The following ADAMTS6 variants were observed in gnomAD, a reference collection of about 807,000 sequenced individuals.
The protein encoded by ADAMTS6 is A disintegrin and metalloproteinase with thrombospondin motifs 6.
Under a neutral mutation model 144.3 loss-of-function variants are expected in ADAMTS6, and 23 were observed. That is an observed-to-expected ratio of 0.16 (90% CI 0.11 to 0.23). ADAMTS6 has a LOEUF of 0.23. ADAMTS6 is among the 10% of genes least tolerant of loss of function. ADAMTS6 has a pLI of 1.00. For missense variants in ADAMTS6, 999 were observed against 1,379.6 expected (o/e 0.72, Z 4.37); for synonymous variants, 444 against 457.5 (o/e 0.97, Z 0.38).
intron 19 of ADAMTS6, among the ~76,000 whole-genome samples, 160 bp from the exon 20 acceptor site, chr5:65,215,092 G>A (rs1160749567): frequency 6.6e-6 from 1 of 152,108 alleles, no homozygotes; most frequent in South Asian, 2.1e-4. Context: ...CCATTTTCAT[G>A]GGTATTTTGG....
chr5:65,355,020 T>C (rs1050957330), intron 7 of ADAMTS6, among the ~76,000 whole-genome samples: 1 of 151,784 alleles, frequency 6.6e-6, no homozygotes, highest in Non-Finnish European at 1.5e-5. Flanking sequence ...TCCAAAAACA[T>C]TGGTATTCTT....
intron 14 of ADAMTS6, 94 bp downstream of exon 14, chr5:65,260,506 G>A: frequency 1.0e-6 from 1 of 953,770 alleles, no homozygotes; most frequent in South Asian, 1.5e-5. Flanking sequence ...TCACACACAT[G>A]TATTTCTTAT....
At chr5:65,288,210 C>G (rs1741889599) in intron 11 of ADAMTS6, among the ~76,000 whole-genome samples, 2 of 152,072 alleles carry the variant, frequency 1.3e-5, no homozygotes, top group Admixed American at 6.5e-5. Flanking sequence ...GGTAACCCAG[C>G]AATGACTACT....
rs928541339 is a variant in ADAMTS6, at chr5:65,473,968, T to A, written c.-279-16A>T. On this transcript the variant is annotated splice_polypyrimidine_tract_variant and intron_variant, in intron 1 of 24. Transcript: ENST00000381055. The stretch of plus-strand genomic sequence containing the variant: ...ATTTTTTAACCTAGAAAAAAAAAAA[T>A]TTAAGTTAACTGAAAAATATCCAGA... The A allele has an allele frequency of 1.1e-4, 47 of 429,940 alleles. No homozygotes were observed. Among genetic ancestry groups the A allele is most frequent in the East Asian group, 1.7e-4 (5 of 29,944 alleles). The allele number at this position is 429,940 out of a possible 1,614,324, so 26.6% of individuals were successfully genotyped here. A position where few individuals can be genotyped will look rare whatever the true frequency, so the allele number is the denominator to read the frequency against.
rs932897319 is a variant in ADAMTS6, at chr5:65,169,255, C to T, written c.3244+1362G>A. Reference sequence around the variant, plus strand: ...TGAACAGACACTTCTCAAAAGAAGACATTTATGCAGCCACAAAACACATGA... The same window carrying T: ...TGAACAGACACTTCTCAAAAGAAGATATTTATGCAGCCACAAAACACATGA... On this transcript the variant is annotated intron_variant, in intron 24 of 24. Coordinates refer to ENST00000381055, the MANE Select transcript of ADAMTS6 (RefSeq NM_197941.4). 1.8e-4 allele frequency among the ~76,000 whole-genome samples: 11 copies of T among 62,250 alleles called. 3 individuals are homozygous for T. Among genetic ancestry groups the T allele is most frequent in the African/African-American group, 1.0e-3 (11 of 10,650 alleles). 40.8% of individuals were successfully genotyped at this position (62,250 alleles called of 152,430 possible). A position where few individuals can be genotyped will look rare whatever the true frequency, so the allele number is the denominator to read the frequency against.
chr5:65,451,477 A>G lies in ADAMTS6; in HGVS notation c.1071T>C (p.Thr357=), dbSNP rs1232797256. The change falls in exon 7 of 25, where the codon ACT becomes ACC. Residue 357 remains threonine (T), a splice_region_variant and synonymous_variant. Transcript: ENST00000381055. ...IAHHDNAVLI[T]RYDICTYKNK... ...AAAATACTTGCAACAAACCATACCT[A>G]GTAATAAGAACTGCATTATCGTGGT... 2 of 1,613,094 alleles carry G rather than the reference A, an allele frequency of 1.2e-6. No homozygotes were observed. Among genetic ancestry groups the G allele is most frequent in the Non-Finnish European group, 8.5e-7 (1 of 1,179,676 alleles).
At chr5:65,414,825 C>T (rs185559238) in intron 7 of ADAMTS6, among the ~76,000 whole-genome samples, 4 of 152,126 alleles carry the variant, frequency 2.6e-5, no homozygotes, top group Non-Finnish European at 4.4e-5. Context: ...CATATGCAAA[C>T]GTTAATTCAA....
Position 65,177,665 on chromosome 5 carries a change from C to T in ADAMTS6, c.2911-4657G>A, listed in dbSNP as rs181859162. On this transcript the variant is annotated intron_variant, in intron 22 of 24. Coordinates refer to ENST00000381055, the MANE Select transcript of ADAMTS6 (RefSeq NM_197941.4). ...CCTAAAATCGTACATTCATTTTACT[C>T]GAGGATCATAAAAGTTAAAGACTTA... is the stretch of plus-strand genomic sequence containing the variant. Among the ~76,000 whole-genome samples, 29 of 152,294 alleles carry T rather than the reference C, an allele frequency of 1.9e-4. No homozygotes were observed. The East Asian group carries it at 5.4e-3, about 28-fold the overall frequency.
chr5:65,250,588 A>G (rs868602892), intron 14 of ADAMTS6, among the ~76,000 whole-genome samples: 2 of 152,230 alleles, frequency 1.3e-5, no homozygotes, highest in Non-Finnish European at 1.5e-5. Flanking sequence ...TTTCCTCCAT[A>G]TATTTTTATA....
chr5:65,329,615 T>C, intron 8 of ADAMTS6, 132 bp from the exon 9 acceptor site: 1 of 677,852 alleles, frequency 1.5e-6, no homozygotes, highest in Non-Finnish European at 2.3e-6. Context: ...AAGGTTAACT[T>C]TCTAGTCATT....
chr5:65,200,049 A>G (rs1242930154), intron 20 of ADAMTS6, among the ~76,000 whole-genome samples: 1 of 152,140 alleles, frequency 6.6e-6, no homozygotes, highest in African/African-American at 2.4e-5. Flanking sequence ...ATTTTCTTCT[A>G]GAATGTTATA....
intron 4 of ADAMTS6, 64 bp downstream of exon 4, chr5:65,460,106 C>A: frequency 6.5e-7 from 1 of 1,545,424 alleles, no homozygotes; most frequent in South Asian, 1.3e-5. Context: ...ACTATACTTG[C>A]CAGAAGAAAG....
At chr5:65,337,192 A>G (rs1224605860) in intron 7 of ADAMTS6, among the ~76,000 whole-genome samples, 1 of 152,160 alleles carries the variant, frequency 6.6e-6, no homozygotes, top group Admixed American at 6.5e-5. Flanking sequence ...TATAGAATTG[A>G]TGAATATGAA....
At chr5:65,267,737 G>A (rs1761733796) in intron 12 of ADAMTS6, among the ~76,000 whole-genome samples, 1 of 152,088 alleles carries the variant, frequency 6.6e-6, no homozygotes. Context: ...TGTGATTATG[G>A]TATACCTTTT....
At chr5:65,421,001 T>C (rs568290543) in intron 7 of ADAMTS6, among the ~76,000 whole-genome samples, 2 of 152,378 alleles carry the variant, frequency 1.3e-5, no homozygotes, top group Admixed American at 1.3e-4. Flanking sequence ...ATGTTTGCTT[T>C]GTGATTTTTA....
At chr5:65,235,649 T>C (rs1227277147) in intron 15 of ADAMTS6, among the ~76,000 whole-genome samples, 1 of 152,210 alleles carries the variant, frequency 6.6e-6, no homozygotes, top group African/African-American at 2.4e-5. Context: ...GGATGCTTCC[T>C]GCCCTCGAAC....
In ADAMTS6 at chr5:65,150,154, A is replaced by G. The variant is rs1237420912; in HGVS notation, c.*1682T>C. ...GTGATGCACTGACATGTAATTTAAG[A>G]GCACCATGATGGAATCAAGTCAAAC... On this transcript the variant is annotated 3_prime_UTR_variant, in exon 25 of 25. Coordinates refer to ENST00000381055, the MANE Select transcript of ADAMTS6 (RefSeq NM_197941.4). 2.0e-5 allele frequency: 3 copies of G among 152,460 alleles called. No homozygotes were observed. Among genetic ancestry groups the G allele is most frequent in the Non-Finnish European group, 4.4e-5 (3 of 68,042 alleles). The allele number at this position is 152,460 out of a possible 1,614,324, so 9.4% of individuals were successfully genotyped here. A position where few individuals can be genotyped will look rare whatever the true frequency, so the allele number is the denominator to read the frequency against.
chr5:65,241,456 C>T (rs1759177792), intron 15 of ADAMTS6, among the ~76,000 whole-genome samples: 1 of 151,998 alleles, frequency 6.6e-6, no homozygotes, highest in African/African-American at 2.4e-5. Flanking sequence ...GTCTCGAACT[C>T]CTGACCTCAG....
At chr5:65,427,634 T>C (rs915133726) in intron 7 of ADAMTS6, among the ~76,000 whole-genome samples, 10 of 151,746 alleles carry the variant, frequency 6.6e-5, no homozygotes, top group Admixed American at 5.9e-4. Context: ...CCGTCTCTAC[T>C]AAAAATACAA....
Sources: allele counts gnomAD v4.1 joint callset (sites outside exome capture counted in the v4.1 genomes callset), GRCh38; gene constraint gnomAD v4.1.1; transcripts MANE v1.5; gene names NCBI Gene and HGNC (gene_info 2026-07-23, HGNC 2026-07-21).